Variants in SPATS2 observed in about 807,000 individuals in gnomAD.
SPATS2 encodes the protein spermatogenesis-associated serine-rich protein 2.
SPATS2 carries 38 observed loss-of-function variants against 63.7 expected under a neutral mutation model. That is an observed-to-expected ratio of 0.60 (90% CI 0.46 to 0.78). The LOEUF (loss-of-function observed/expected upper bound fraction) is 0.78. Among genes scored for constraint, SPATS2 ranks in the 30% least tolerant of loss-of-function variants. The probability of loss-of-function intolerance (pLI) is 0.00; values close to 1 mark genes in which losing one functional copy is unlikely to be tolerated. For missense variants in SPATS2, 588 were observed against 666.2 expected (o/e 0.88, Z 1.29); for synonymous variants, 207 against 232.9 (o/e 0.89, Z 1.01).
At chr12:49,429,765 G>A (rs1482544642) in intron 2 of SPATS2, among the ~76,000 whole-genome samples, 1 of 142,916 alleles carries the variant, frequency 7.0e-6, no homozygotes, top group Non-Finnish European at 1.5e-5. Flanking sequence ...CTAGAATTTA[G>A]GTCTTTCTCT....
intron 2 of SPATS2, among the ~76,000 whole-genome samples, chr12:49,441,008 CCTT>C (rs1335258604): frequency 1.3e-5 from 2 of 152,164 alleles, no homozygotes; most frequent in African/African-American, 2.4e-5. Flanking sequence ...AAAGTTTCCT[CCTT>C]CTCAAATACA....
Position 49,526,084 on chromosome 12 carries a change from G to A in SPATS2, c.1467G>A (p.Gln489=), listed in dbSNP as rs1565766498. ...GGTATTCATCTGGTTCCAGGTATCA[G>A]AGTGCTCCATCTCAGGCACCAGGAA... ...SSWYSSGSRY[Q]SAPSQAPGNT... The change falls in exon 14 of 14, where the codon CAG becomes CAA. Residue 489 remains glutamine, a synonymous_variant. Coordinates refer to ENST00000552918, the MANE Select transcript of SPATS2 (RefSeq NM_023071.4). The A allele has an allele frequency of 1.2e-6, 2 of 1,614,200 alleles. No individual in the cohort carries two copies. The highest frequency in any genetic ancestry group is 8.5e-7 in the Non-Finnish European group (1 of 1,180,044).
At chr12:49,519,952 T>C (rs1339612379) in intron 11 of SPATS2, among the ~76,000 whole-genome samples, 1 of 151,812 alleles carries the variant, frequency 6.6e-6, no homozygotes, top group East Asian at 1.9e-4. Context: ...GTAGCTGGGA[T>C]TACAGGCGCC....
At chr12:49,470,348 G>A (rs1946013764) in intron 3 of SPATS2, among the ~76,000 whole-genome samples, 1 of 151,970 alleles carries the variant, frequency 6.6e-6, no homozygotes, top group African/African-American at 2.4e-5. Flanking sequence ...CTCATTTTTA[G>A]GAGTAATTTT....
At chr12:49,476,103 G>T (rs1946112456) in intron 3 of SPATS2, among the ~76,000 whole-genome samples, 2 of 152,128 alleles carry the variant, frequency 1.3e-5, no homozygotes, top group Non-Finnish European at 2.9e-5. Flanking sequence ...GACCACCCTG[G>T]CCTGCCACGC....
intron 4 of SPATS2, chr12:49,486,331 G>A (rs111297899): frequency 0.084 from 33,594 of 401,708 alleles, 1,686 homozygotes; most frequent in African/African-American, 0.15. Context: ...TCAACCTCCC[G>A]TGTAGCTGGG....
chr12:49,421,160 C>A (rs1944974336), intron 2 of SPATS2, among the ~76,000 whole-genome samples: 1 of 152,090 alleles, frequency 6.6e-6, no homozygotes, highest in African/African-American at 2.4e-5. Context: ...TGGCTAACGC[C>A]TATAATCCCA....
intron 3 of SPATS2, among the ~76,000 whole-genome samples, chr12:49,475,339 C>T (rs10160947): frequency 0.29 from 44,811 of 151,946 alleles, 8,910 homozygotes; most frequent in African/African-American, 0.57. Context: ...CTTTAATTTT[C>T]TGACTTACAG....
chr12:49,375,180 GTGTGTGTGTGTGT>G (rs756881636), intron 2 of SPATS2, among the ~76,000 whole-genome samples: 3,163 of 137,442 alleles, frequency 0.023, 98 homozygotes, highest in African/African-American at 0.077. Context: ...GTGTGTGTGT[GTGTGTGTGTGTGT>G]GTGGTGGTAG....
chr12:49,484,466 C>T, intron 3 of SPATS2, 124 bp from the exon 4 acceptor site: 2 of 782,230 alleles, frequency 2.6e-6, no homozygotes, highest in Non-Finnish European at 4.1e-6. Flanking sequence ...ACAGAATTTG[C>T]CAAATAGCAA....
chr12:49,438,973 A>G (rs1241147996), intron 2 of SPATS2, among the ~76,000 whole-genome samples: 1 of 152,244 alleles, frequency 6.6e-6, no homozygotes, highest in Non-Finnish European at 1.5e-5. Context: ...CAATAAATAA[A>G]TACAGAATAT....
rs554523844 is a variant in SPATS2, at chr12:49,464,559, G to A, written c.25+3522G>A. 2.1e-4 allele frequency among the ~76,000 whole-genome samples: 32 copies of A among 151,250 alleles called. 1 individual carries two copies. The highest frequency in any genetic ancestry group is 6.8e-4 in the African/African-American group (28 of 41,114). ...GGAGAATCGCTTGAACCCGGGAGGT[G>A]GAGGTTGCGATGAGCCGAGATCGTG... On this transcript the variant is annotated intron_variant, in intron 3 of 13. Transcript: ENST00000552918.
At position 49,495,090 on chromosome 12, in the gene SPATS2, T is replaced by TAG; in HGVS notation, c.526+89_526+90dup. ...GAGAAAGTGATCAATTAAATCTAGT[T>TAG]AGTCTTTTTTTATCCAGTGCTTGCT... On this transcript the variant is annotated intron_variant, in intron 7 of 13. Coordinates refer to ENST00000552918, the MANE Select transcript of SPATS2 (RefSeq NM_023071.4). 4.4e-6 allele frequency: 6 copies of TAG among 1,355,232 alleles called. No individual in the cohort carries two copies. In the South Asian group the frequency reaches 1.2e-4, roughly 26 times the overall value. The allele number at this position is 1,355,232 out of a possible 1,614,324, so 84.0% of individuals were successfully genotyped here.
At chr12:49,368,347 A>C (rs1943939359) in intron 1 of SPATS2, among the ~76,000 whole-genome samples, 1 of 152,182 alleles carries the variant, frequency 6.6e-6, no homozygotes, top group African/African-American at 2.4e-5. Flanking sequence ...TTAGCAGGCT[A>C]CTGTTCCTAA....
chr12:49,513,237 T>TGTG (rs1565759195), intron 9 of SPATS2, among the ~76,000 whole-genome samples: 12 of 135,232 alleles, frequency 8.9e-5, no homozygotes, highest in African/African-American at 3.2e-4. Flanking sequence ...GTGTGTGTGT[T>TGTG]TGAGTGTGAT....
At chr12:49,400,193 CTAAG>C (rs1018137622) in intron 2 of SPATS2, among the ~76,000 whole-genome samples, 1 of 151,858 alleles carries the variant, frequency 6.6e-6, no homozygotes, top group African/African-American at 2.4e-5. Context: ...TTGCAGATAT[CTAAG>C]TAAGATGACT....
intron 9 of SPATS2, among the ~76,000 whole-genome samples, chr12:49,510,341 C>T (rs954323930): frequency 3.3e-5 from 5 of 150,934 alleles, no homozygotes; most frequent in South Asian, 2.1e-4. Flanking sequence ...GTGGATGGAT[C>T]GCTTGAGCTC....
chr12:49,460,104 G>T (rs1353719490), intron 2 of SPATS2, among the ~76,000 whole-genome samples: 1 of 151,030 alleles, frequency 6.6e-6, no homozygotes, highest in African/African-American at 2.4e-5. Context: ...GCGAAACTCC[G>T]CCTCAAAAAA....
At chr12:49,493,950 C>T (rs12315996) in intron 6 of SPATS2, among the ~76,000 whole-genome samples, 44,951 of 151,988 alleles carry the variant, frequency 0.3, 8,992 homozygotes, top group African/African-American at 0.57. Flanking sequence ...GCTGTTTAGA[C>T]GTGCCACAAT....
Sources: allele counts gnomAD v4.1 joint callset (sites outside exome capture counted in the v4.1 genomes callset), GRCh38; gene constraint gnomAD v4.1.1; transcripts MANE v1.5; gene names NCBI Gene and HGNC (gene_info 2026-07-23, HGNC 2026-07-21).